The following RAB6A variants were observed in gnomAD, a reference collection of about 807,000 sequenced individuals.
The protein encoded by RAB6A is ras-related protein Rab-6A.
Under a neutral mutation model 32.3 loss-of-function variants are expected in RAB6A, and 8 were observed. The observed-to-expected ratio is 0.25, with a 90% CI of 0.15 to 0.45. The LOEUF is 0.45. Among genes scored for constraint, RAB6A ranks in the 20% least tolerant of loss-of-function variants. The probability of loss-of-function intolerance (pLI) is 1.00; values close to 1 mark genes in which losing one functional copy is unlikely to be tolerated. For synonymous variants in RAB6A, 73 were observed against 82.1 expected, an observed-to-expected ratio of 0.89 and a Z score of 0.60; for missense variants, 104 against 249.4, an observed-to-expected ratio of 0.42 and a Z score of 3.93.
intron 6 of RAB6A, among the ~76,000 whole-genome samples, chr11:73,700,607 TGTGGG>T (rs1945727560): frequency 4.7e-4 from 1 of 2,150 alleles, no homozygotes; most frequent in African/African-American, 2.6e-3. Context: ...AAAGTGTGTG[TGTGGG>T]GGGGGGGGGG....
chr11:73,729,685 C>G (rs983958507), intron 2 of RAB6A: 2 of 152,166 alleles, frequency 1.3e-5, no homozygotes, highest in African/African-American at 4.8e-5. Flanking sequence ...GGGACTGCCC[C>G]TGCCAGGATT....
In RAB6A at chr11:73,676,499, A is replaced by G. The variant is rs942577878; in HGVS notation, c.*1399T>C. 1 of 167,018 alleles carries G rather than the reference A, an allele frequency of 6.0e-6. No homozygotes were observed. The allele number at this position is 167,018 out of a possible 1,614,324, so 10.3% of individuals were successfully genotyped here. On this transcript the variant is annotated 3_prime_UTR_variant, in exon 8 of 8. Transcript: ENST00000336083. ...AAAGTTGTTAAAAAAAAAAAAGGCA[A>G]AGAAATAAATATCACCAAAGAAAAA...
At chr11:73,732,409 A>G (rs1946329375) in intron 1 of RAB6A, among the ~76,000 whole-genome samples, 1 of 151,924 alleles carries the variant, frequency 6.6e-6, no homozygotes, top group African/African-American at 2.4e-5. Context: ...ACATGGTGAA[A>G]CTCCATCTCT....
chr11:73,747,436 A>AC lies in RAB6A; in HGVS notation c.70+13129dup, dbSNP rs35103580. 1.3e-3 allele frequency among the ~76,000 whole-genome samples: 176 copies of AC among 140,308 alleles called. 1 individual carries two copies. The highest frequency in any genetic ancestry group is 3.5e-3 in the Middle Eastern group (1 of 284). The allele number at this position is 140,308 out of a possible 152,430, so 92.0% of individuals were successfully genotyped here. ...TCGAACTCCTGACCTTGTGATCGGA[A>AC]CCCCCCCCCGCCCCGCCCCCGGCCT... is the stretch of plus-strand genomic sequence containing the variant. On this transcript the variant is annotated intron_variant, in intron 1 of 7. Coordinates refer to ENST00000336083, the MANE Select transcript of RAB6A (RefSeq NM_198896.2).
intron 3 of RAB6A, 28 bp from the exon 4 acceptor site, chr11:73,718,746 A>G (rs1485248284): frequency 6.2e-7 from 1 of 1,614,036 alleles, no homozygotes; most frequent in South Asian, 1.1e-5. Context: ...CAAACAAGCA[A>G]GAAAAATAAG....
chr11:73,726,580 T>TTAAAAA (rs1565367262), intron 2 of RAB6A, among the ~76,000 whole-genome samples: 2 of 4,624 alleles, frequency 4.3e-4, no homozygotes, highest in Admixed American at 4.7e-3. Context: ...AGACTCTGTC[T>TTAAAAA]CAAAAAAAAA....
Position 73,682,996 on chromosome 11 carries a change from G to C in RAB6A, c.496-3276C>G, listed in dbSNP as rs191008286. 1.9e-3 allele frequency among the ~76,000 whole-genome samples: 284 copies of C among 152,108 alleles called. 2 individuals carry two copies. Among genetic ancestry groups the C allele is most frequent in the African/African-American group, 6.7e-3 (280 of 41,500 alleles). ...CCATTAATAAACCACCTTTCATCAA[G>C]ACATAAAGAATACAGGGTATGAAGG... On this transcript the variant is annotated intron_variant, in intron 6 of 7. Transcript: ENST00000336083.
chr11:73,754,505 T>C lies in RAB6A; in HGVS notation c.70+6061A>G, dbSNP rs139626303. The stretch of plus-strand genomic sequence containing the variant: ...TTACAGGATTGAATGCATAAGCAGC[T>C]ATGCAAATCCAATTGTCCTCTATTA... On this transcript the variant is annotated intron_variant, in intron 1 of 7. Coordinates refer to ENST00000336083, the MANE Select transcript of RAB6A (RefSeq NM_198896.2). Among the ~76,000 whole-genome samples, 64 of 152,400 alleles carry C rather than the reference T, an allele frequency of 4.2e-4. No homozygotes were observed. In the East Asian group the frequency reaches 0.012, roughly 29 times the overall value.
chr11:73,739,779 G>A (rs536061691), intron 1 of RAB6A, among the ~76,000 whole-genome samples: 6 of 152,100 alleles, frequency 3.9e-5, no homozygotes, highest in South Asian at 4.1e-4. Context: ...GCCTCAGGCC[G>A]GGCCCGGTGG....
At chr11:73,720,270 T>C (rs755681740) in intron 3 of RAB6A, among the ~76,000 whole-genome samples, 1 of 149,858 alleles carries the variant, frequency 6.7e-6, no homozygotes, top group Middle Eastern at 3.2e-3. Context: ...AACCTCTGCA[T>C]CCTGGATTCA....
At chr11:73,722,332 TATATA>T (rs1946151158) in intron 2 of RAB6A, 4 of 9,650 alleles carry the variant, frequency 4.1e-4, no homozygotes, top group African/African-American at 1.1e-3. Flanking sequence ...TATATATATA[TATATA>T]TATATATTTT....
At chr11:73,750,850 T>C (rs990017141) in intron 1 of RAB6A, among the ~76,000 whole-genome samples, 2 of 152,128 alleles carry the variant, frequency 1.3e-5, no homozygotes, top group African/African-American at 4.8e-5. Context: ...AGGGTCTTGC[T>C]CTGTCTCCCA....
chr11:73,699,534 A>C (rs1450896727), intron 6 of RAB6A, among the ~76,000 whole-genome samples: 1 of 150,190 alleles, frequency 6.7e-6, no homozygotes, highest in East Asian at 2.0e-4. Context: ...AAGCCTCCCA[A>C]CTCAGGCTCA....
chr11:73,743,486 G>T (rs1946533372), intron 1 of RAB6A, among the ~76,000 whole-genome samples: 1 of 152,034 alleles, frequency 6.6e-6, no homozygotes, highest in Non-Finnish European at 1.5e-5. Flanking sequence ...TTGAAGCCAG[G>T]TGTGGTGGTG....
Position 73,720,822 on chromosome 11 carries a change from T to G in RAB6A, c.183+24A>C, listed in dbSNP as rs1307262948. Reference sequence around the variant, plus strand: ...TTCTAACCTGGAATGTTGCAGAAAATTGCACACTGAAAATATTACTCACTG... The same window carrying G: ...TTCTAACCTGGAATGTTGCAGAAAAGTGCACACTGAAAATATTACTCACTG... On this transcript the variant is annotated intron_variant, in intron 3 of 7. Transcript: ENST00000336083. The G allele has an allele frequency of 2.5e-6, 4 of 1,573,864 alleles. No individual in the cohort carries two copies. In the Admixed American group the frequency reaches 5.2e-5, roughly 20 times the overall value.
chr11:73,679,611 T>C (rs1349779260), intron 7 of RAB6A, 43 bp downstream of exon 7: 14 of 1,606,400 alleles, frequency 8.7e-6, no homozygotes, highest in Non-Finnish European at 1.2e-5. Context: ...CTCTAAAGAC[T>C]AGTGTTAATA....
In RAB6A at chr11:73,704,142, G is replaced by A. The variant is rs528063922; in HGVS notation, c.495+3278C>T. 70 of 386,894 alleles carry A rather than the reference G, an allele frequency of 1.8e-4. 1 individual carries two copies. The highest frequency in any genetic ancestry group is 1.6e-3 in the Admixed American group (58 of 36,968). 24.0% of individuals were successfully genotyped at this position (386,894 alleles called of 1,614,324 possible). On this transcript the variant is annotated intron_variant, in intron 6 of 7. Transcript: ENST00000336083. ...TCATACCTATAATCTCGAAATCTTC[G>A]AGGCCAAGTTGGGAGGATCACCTGA...
intron 6 of RAB6A, 54 bp from the exon 7 acceptor site, chr11:73,679,774 C>T (rs1237538078): frequency 3.7e-6 from 6 of 1,604,534 alleles, no homozygotes; most frequent in African/African-American, 2.7e-5. Flanking sequence ...GCAAAGGGTA[C>T]TGAGGTTTAT....
chr11:73,751,071 C>T lies in RAB6A; in HGVS notation c.70+9495G>A, dbSNP rs145084874. Among the ~76,000 whole-genome samples, 1,383 of 152,194 alleles carry T rather than the reference C, an allele frequency of 9.1e-3. 14 individuals are homozygous for T. Among genetic ancestry groups the T allele is most frequent in the Middle Eastern group, 0.034 (10 of 294 alleles). ...CCTCCCGCCTTAGTGTCCCAAAGTG[C>T]TGGGATTACAGGTGTGAGTCACCAT... On this transcript the variant is annotated intron_variant, in intron 1 of 7. Transcript: ENST00000336083.
Sources: allele counts gnomAD v4.1 joint callset (sites outside exome capture counted in the v4.1 genomes callset), GRCh38; gene constraint gnomAD v4.1.1; transcripts MANE v1.5; gene names NCBI Gene and HGNC (gene_info 2026-07-23, HGNC 2026-07-21).